The following TTLL11 variants were observed in gnomAD, a reference collection of about 807,000 sequenced individuals.
TTLL11 encodes tubulin polyglutamylase TTLL11.
TTLL11 carries 42 observed loss-of-function variants against 51.7 expected under a neutral mutation model. That is an observed-to-expected ratio of 0.81 (90% CI 0.64 to 1.05). The LOEUF is 1.05. Among genes scored for constraint, TTLL11 ranks in the 50% least tolerant of loss-of-function variants. The pLI is 0.00. For missense variants in TTLL11, 799 were observed against 940.4 expected (o/e 0.85, Z 1.97); for synonymous variants, 381 against 383.5 (o/e 0.99, Z 0.08).
intron 8 of TTLL11, among the ~76,000 whole-genome samples, chr9:121,832,635 G>A (rs1444255951): frequency 6.6e-6 from 1 of 152,154 alleles, no homozygotes; most frequent in African/African-American, 2.4e-5. Context: ...CTCCACTGCT[G>A]CTTCGAGAGT....
chr9:121,876,938 G>C (rs1198538390), intron 6 of TTLL11, among the ~76,000 whole-genome samples: 2 of 152,232 alleles, frequency 1.3e-5, no homozygotes, highest in East Asian at 3.8e-4. Context: ...GTGAAAGAAA[G>C]TGAGACCTAA....
intron 6 of TTLL11, among the ~76,000 whole-genome samples, chr9:121,895,110 T>C (rs1343146537): frequency 6.6e-6 from 1 of 152,230 alleles, no homozygotes; most frequent in Non-Finnish European, 1.5e-5. Flanking sequence ...GATATATCTT[T>C]ATCTTACATG....
chr9:121,968,156 T>C (rs1842459127), intron 6 of TTLL11, among the ~76,000 whole-genome samples: 1 of 152,242 alleles, frequency 6.6e-6, no homozygotes, highest in Non-Finnish European at 1.5e-5. Flanking sequence ...TCCATTTATA[T>C]AACGTTTCCA....
intron 8 of TTLL11, among the ~76,000 whole-genome samples, chr9:121,857,648 T>C (rs1160034031): frequency 1.3e-5 from 2 of 152,232 alleles, no homozygotes; most frequent in Admixed American, 6.5e-5. Context: ...ATCCCAGCCC[T>C]GAATTTGCTT....
chr9:121,838,412 A>G (rs1036179077), intron 8 of TTLL11, among the ~76,000 whole-genome samples: 2 of 152,112 alleles, frequency 1.3e-5, no homozygotes, highest in African/African-American at 2.4e-5. Context: ...AGCATCCAGA[A>G]TGACCTTTTA....
At chr9:121,937,988 T>A (rs1205971469) in intron 6 of TTLL11, among the ~76,000 whole-genome samples, 1 of 152,036 alleles carries the variant, frequency 6.6e-6, no homozygotes, top group Non-Finnish European at 1.5e-5. Flanking sequence ...GTAAGAAAGA[T>A]TTTCTTTAAA....
At chr9:121,961,917 G>A (rs144856099) in intron 6 of TTLL11, among the ~76,000 whole-genome samples, 5,068 of 152,166 alleles carry the variant, frequency 0.033, 125 homozygotes, top group Admixed American at 0.061. Flanking sequence ...TTAGCCAGGC[G>A]TGGTGGTGGG....
At chr9:122,080,083 T>A (rs1383588696) in intron 1 of TTLL11, among the ~76,000 whole-genome samples, 1 of 152,234 alleles carries the variant, frequency 6.6e-6, no homozygotes, top group African/African-American at 2.4e-5. Context: ...TGTTTCAAAT[T>A]AGGCATAATG....
intron 7 of TTLL11, among the ~76,000 whole-genome samples, chr9:121,866,992 C>G (rs1284737445): frequency 2.0e-5 from 3 of 152,168 alleles, no homozygotes; most frequent in Admixed American, 2.0e-4. Flanking sequence ...GGTGAAAAAT[C>G]ATAAAGCCTA....
intron 6 of TTLL11, among the ~76,000 whole-genome samples, chr9:121,937,882 C>T (rs930898654): frequency 6.6e-6 from 1 of 152,000 alleles, no homozygotes; most frequent in South Asian, 2.1e-4. Flanking sequence ...TATATAATTA[C>T]CAAGGTTTAT....
At chr9:122,015,776 GCTAA>G (rs1843947745) in intron 3 of TTLL11, among the ~76,000 whole-genome samples, 1 of 140,326 alleles carries the variant, frequency 7.1e-6, no homozygotes, top group Non-Finnish European at 1.5e-5. Flanking sequence ...CCTCAAAGAG[GCTAA>G]CTTTTGATGA....
At chr9:121,894,210 G>A (rs1839367371) in intron 6 of TTLL11, among the ~76,000 whole-genome samples, 1 of 152,304 alleles carries the variant, frequency 6.6e-6, no homozygotes, top group African/African-American at 2.4e-5. Context: ...CCTAAAAGAA[G>A]AGACTTATAC....
In TTLL11 at chr9:122,007,148, G is replaced by A. The variant is rs74611279; in HGVS notation, c.694-17378C>T. 6.4e-3 allele frequency among the ~76,000 whole-genome samples: 966 copies of A among 152,048 alleles called. 8 individuals are homozygous for A. The highest frequency in any genetic ancestry group is 0.023 in the African/African-American group (938 of 41,464). ...TAATTTGGATTAAAAGTAGGGGAGAGGGCACTGGAATGACACCCCTGTAGC... is the reference window on the plus strand; with the variant it reads ...TAATTTGGATTAAAAGTAGGGGAGAAGGCACTGGAATGACACCCCTGTAGC... On this transcript the variant is annotated intron_variant, in intron 3 of 8. Coordinates refer to ENST00000321582, the MANE Select transcript of TTLL11 (RefSeq NM_001139442.2).
intron 6 of TTLL11, among the ~76,000 whole-genome samples, chr9:121,895,986 G>C (rs1466056120): frequency 8.7e-6 from 1 of 114,654 alleles, no homozygotes; most frequent in South Asian, 3.2e-4. Flanking sequence ...GTCTGTGGTG[G>C]GTGTTTTGTG....
chr9:122,036,291 C>T (rs1002878339), intron 2 of TTLL11, among the ~76,000 whole-genome samples: 4 of 151,960 alleles, frequency 2.6e-5, no homozygotes, highest in African/African-American at 4.8e-5. Context: ...AGAAAGCCCC[C>T]TCCTCAGGTG....
intron 3 of TTLL11, among the ~76,000 whole-genome samples, chr9:122,011,680 G>A (rs1843795652): frequency 6.6e-6 from 1 of 152,156 alleles, no homozygotes; most frequent in Non-Finnish European, 1.5e-5. Context: ...TCTCAAAAAG[G>A]AGAGAGACGG....
chr9:121,933,099 C>T (rs1016359569), intron 6 of TTLL11, among the ~76,000 whole-genome samples: 3 of 151,974 alleles, frequency 2.0e-5, no homozygotes, highest in Admixed American at 2.0e-4. Context: ...TAATATAACA[C>T]GGCGGACAGT....
intron 6 of TTLL11, among the ~76,000 whole-genome samples, chr9:121,902,305 C>T (rs1175491301): frequency 6.6e-6 from 1 of 152,208 alleles, no homozygotes; most frequent in African/African-American, 2.4e-5. Context: ...CTTCACTATT[C>T]TTTAAGAACA....
intron 6 of TTLL11, among the ~76,000 whole-genome samples, chr9:121,899,393 A>G (rs1269557081): frequency 7.0e-5 from 9 of 127,908 alleles, no homozygotes; most frequent in South Asian, 2.8e-4. Context: ...ATATATATAT[A>G]TATATATATA....
Sources: gnomAD v4.1 joint callset for allele counts (sites outside exome capture counted in the v4.1 genomes callset) on GRCh38, gnomAD v4.1.1 for gene constraint, MANE v1.5 for transcripts, NCBI Gene and HGNC (gene_info 2026-07-23, HGNC 2026-07-21) for gene names.